Variants in NBPF26 observed in about 807,000 individuals in gnomAD.
NBPF26 encodes the protein NBPF member 26, also known as NBPF family member NBPF26.
A neutral mutation model predicts 119.6 loss-of-function variants in NBPF26; 79 were observed. The observed-to-expected ratio is 0.66, with a 90% CI of 0.55 to 0.80. The LOEUF (loss-of-function observed/expected upper bound fraction) is 0.80, where lower values mean the gene tolerates loss of function less well. Among genes scored for constraint, NBPF26 ranks in the 30% least tolerant of loss-of-function variants. The pLI is 0.00. For synonymous variants in NBPF26, 299 were observed against 457.7 expected, an observed-to-expected ratio of 0.65 and a Z score of 4.43; for missense variants, 800 against 1,198.2, an observed-to-expected ratio of 0.67 and a Z score of 4.91.
Position 120,761,157 on chromosome 1 carries a change from A to G in NBPF26, c.74-2471A>G, listed in dbSNP as rs1651133082. ...TTATTTGCTAGATTGATTGCTACAT[A>G]TTGACTTTGGGTTGCTTGTATTTCT... On this transcript the variant is annotated intron_variant, in intron 1 of 29. Coordinates refer to ENST00000620612, the Ensembl canonical transcript of NBPF26. 1.6e-5 allele frequency among the ~76,000 whole-genome samples: 2 copies of G among 125,762 alleles called. 1 individual carries two copies. Among genetic ancestry groups the G allele is most frequent in the Non-Finnish European group, 3.3e-5 (2 of 61,222 alleles). The allele number at this position is 125,762 out of a possible 152,430, so 82.5% of individuals were successfully genotyped here.
intron 1 of NBPF26, among the ~76,000 whole-genome samples, chr1:120,737,887 G>GA (rs1676284073): frequency 1.1e-5 from 1 of 93,546 alleles, no homozygotes; most frequent in African/African-American, 6.0e-5. Flanking sequence ...TTTGTTTTAA[G>GA]AAAAAATTCC....
intron 10 of NBPF26, among the ~76,000 whole-genome samples, chr1:120,812,439 CTGT>C (rs1347271367): frequency 1.5e-5 from 1 of 68,080 alleles, no homozygotes; most frequent in Non-Finnish European, 2.6e-5. Flanking sequence ...AACATCTAGT[CTGT>C]TGTTCTAAAT....
At chr1:120,824,128 T>C in exon 18 of NBPF26, 2 of 452,780 alleles carry the variant, frequency 4.4e-6, no homozygotes, top group Non-Finnish European at 7.4e-6. Flanking sequence ...GCGTGTTGGC[T>C]TGGCTGTTGA....
chr1:120,803,396 A>G lies in NBPF26; in HGVS notation c.752-2160A>G, dbSNP rs1651605914. Among the ~76,000 whole-genome samples the G allele has an allele frequency of 1.6e-5, 2 of 128,196 alleles. 1 individual carries two copies. Among genetic ancestry groups the G allele is most frequent in the South Asian group, 4.6e-4 (2 of 4,322 alleles). 84.1% of individuals were successfully genotyped at this position (128,196 alleles called of 152,430 possible). On this transcript the variant is annotated intron_variant, in intron 4 of 29. Transcript: ENST00000620612. ...GTGAATTAAACACAGCCAAGGGAAG[A>G]CCCATGTCTCATACTTCTCTTGTAT...
chr1:120,801,672 A>G (rs1279708070), intron 4 of NBPF26, among the ~76,000 whole-genome samples: 1 of 108,350 alleles, frequency 9.2e-6, no homozygotes, highest in Non-Finnish European at 1.7e-5. Flanking sequence ...TCCATGAAAA[A>G]TAAAAAACTA....
At chr1:120,819,194 A>G (rs1384449071) in intron 15 of NBPF26, among the ~76,000 whole-genome samples, 3 of 123,412 alleles carry the variant, frequency 2.4e-5, no homozygotes, top group Non-Finnish European at 4.9e-5. Context: ...TAGGATAGTT[A>G]ACTCTTCTTG....
intron 9 of NBPF26, 41 bp downstream of exon 9, chr1:120,810,599 C>T: frequency 7.3e-7 from 1 of 1,361,434 alleles, no homozygotes; most frequent in East Asian, 2.3e-5. Context: ...TCTGTCTAGG[C>T]TATGGAAGGT....
intron 8 of NBPF26, among the ~76,000 whole-genome samples, 152 bp downstream of exon 8, chr1:120,810,035 C>G (rs1181395788): frequency 1.2e-3 from 168 of 134,910 alleles, no homozygotes; most frequent in Non-Finnish European, 2.1e-3. Context: ...CAGGGTGCGG[C>G]AGCTGTCGTG....
intron 17 of NBPF26, 49 bp from the exon 18 acceptor site, chr1:120,823,925 G>C: frequency 1.9e-6 from 1 of 513,862 alleles, no homozygotes; most frequent in South Asian, 1.7e-5. Flanking sequence ...GGGGCTGTGT[G>C]GTTTCTGATT....
Position 120,763,726 on chromosome 1 carries a change from A to G in NBPF26, c.155+17A>G. 3 of 1,162,666 alleles carry G rather than the reference A, an allele frequency of 2.6e-6. No individual in the cohort carries two copies. The highest frequency in any genetic ancestry group is 3.6e-6 in the Non-Finnish European group (3 of 827,608). The allele number at this position is 1,162,666 out of a possible 1,614,324, so 72.0% of individuals were successfully genotyped here. ...ATACTGCAAGTAAGTTTTTCTCTTC[A>G]TATATTTTCTTTTTGCGATAGAACA... On this transcript the variant is annotated intron_variant, in intron 2 of 29. Coordinates refer to ENST00000620612, the Ensembl canonical transcript of NBPF26.
intron 4 of NBPF26, among the ~76,000 whole-genome samples, chr1:120,794,286 C>G (rs1225093281): frequency 9.1e-6 from 1 of 109,802 alleles, no homozygotes; most frequent in Non-Finnish European, 1.7e-5. Flanking sequence ...GAGAAAGGAA[C>G]AAGCTTGGCC....
chr1:120,801,598 G>A (rs1250109973), intron 4 of NBPF26, among the ~76,000 whole-genome samples: 3,239 of 100,090 alleles, frequency 0.032, 512 homozygotes, highest in Middle Eastern at 0.097. Context: ...TGGAGGCCTA[G>A]GTGGGAGGAT....
chr1:120,823,701 T>C (rs1430507334), intron 17 of NBPF26, among the ~76,000 whole-genome samples: 1 of 117,936 alleles, frequency 8.5e-6, no homozygotes, highest in Non-Finnish European at 1.7e-5. Flanking sequence ...ATACAGAGTG[T>C]CCTTTGACTC....
rs1398565696 is a variant in NBPF26, at chr1:120,755,613, T to G, written c.74-8015T>G. ...TTCAATATTATAAAATAGAACAAAA[T>G]TGGAATTTTTAAAACCAAAAATTAT... On this transcript the variant is annotated intron_variant, in intron 1 of 29. Coordinates refer to ENST00000620612, the Ensembl canonical transcript of NBPF26. Among the ~76,000 whole-genome samples the G allele has an allele frequency of 2.2e-5, 2 of 92,064 alleles. 1 individual carries two copies. The highest frequency in any genetic ancestry group is 3.9e-5 in the Non-Finnish European group (2 of 51,670). The allele number at this position is 92,064 out of a possible 152,430, so 60.4% of individuals were successfully genotyped here.
At chr1:120,784,250 A>G (rs1651397529) in intron 2 of NBPF26, among the ~76,000 whole-genome samples, 1 of 118,798 alleles carries the variant, frequency 8.4e-6, no homozygotes, top group African/African-American at 4.8e-5. Context: ...ACATAAAGCA[A>G]ATATATGGTT....
At position 120,784,853 on chromosome 1, in the gene NBPF26, A is replaced by C. The variant is rs1242539992; in HGVS notation, c.156-121A>C. ...AAAGGGAAGCAGTTTTATAGGTGGTACTTGTAGGTCTGTTGATTCACAATC... is the reference window on the plus strand; with the variant it reads ...AAAGGGAAGCAGTTTTATAGGTGGTCCTTGTAGGTCTGTTGATTCACAATC... On this transcript the variant is annotated intron_variant, in intron 2 of 29. Coordinates refer to ENST00000620612, the Ensembl canonical transcript of NBPF26. 53 of 1,046,620 alleles carry C rather than the reference A, an allele frequency of 5.1e-5. 9 individuals carry two copies. Among genetic ancestry groups the C allele is most frequent in the East Asian group, 2.8e-4 (11 of 38,844 alleles). The allele number at this position is 1,046,620 out of a possible 1,614,324, so 64.8% of individuals were successfully genotyped here.
chr1:120,811,999 C>T lies in NBPF26; in HGVS notation c.1678C>T (p.Gln560Ter). The T allele has an allele frequency of 7.8e-7, 1 of 1,279,508 alleles. No individual in the cohort carries two copies. Among genetic ancestry groups the T allele is most frequent in the Non-Finnish European group, 1.1e-6 (1 of 936,216 alleles). The allele number at this position is 1,279,508 out of a possible 1,614,324, so 79.3% of individuals were successfully genotyped here. ...AGAAATCAATGAGAAATTGCGCCCC[C>T]AGCTGGCAGAGAAGAAACAGCAGTT... Residue 560 changes from glutamine (Q) to a stop codon, truncating the protein, a stop_gained, in exon 10 of 30, where the codon CAG becomes TAG. Coordinates refer to ENST00000620612, the Ensembl canonical transcript of NBPF26. LOFTEE classifies it high-confidence loss of function.
intron 2 of NBPF26, among the ~76,000 whole-genome samples, chr1:120,776,263 C>T (rs1394646605): frequency 8.8e-6 from 1 of 113,732 alleles, no homozygotes; most frequent in Non-Finnish European, 1.7e-5. Flanking sequence ...GGTATCAAGG[C>T]TGTTTTTCAC....
chr1:120,812,921 A>AATAATAATAAT (rs1651904942), intron 10 of NBPF26, among the ~76,000 whole-genome samples: 2 of 111,320 alleles, frequency 1.8e-5, no homozygotes, highest in East Asian at 2.2e-4. Context: ...AGACTGCTAA[A>AATAATAATAAT]AATAATAATA....
Sources: allele counts gnomAD v4.1 joint callset (sites outside exome capture counted in the v4.1 genomes callset), GRCh38; gene constraint gnomAD v4.1.1; transcripts MANE v1.5; gene names NCBI Gene and HGNC (gene_info 2026-07-23, HGNC 2026-07-21).